The following ITSN1 variants were observed in gnomAD, a reference collection of about 807,000 sequenced individuals.
The protein encoded by ITSN1 is intersectin 1, also known as intersectin-1.
In ITSN1, 58 loss-of-function variants were observed where a neutral mutation model predicts 239.8. That is an observed-to-expected ratio of 0.24 (90% CI 0.20 to 0.30). The LOEUF (loss-of-function observed/expected upper bound fraction) is 0.30. ITSN1 is among the 10% of genes least tolerant of loss of function. The probability of loss-of-function intolerance (pLI) is 1.00; values close to 1 mark genes in which losing one functional copy is unlikely to be tolerated. For missense variants in ITSN1, 1,558 were observed against 2,103.3 expected (o/e 0.74, Z 5.07); for synonymous variants, 780 against 770.8 (o/e 1.01, Z -0.20).
At chr21:33,673,406 G>T (rs1283819538) in intron 1 of ITSN1, among the ~76,000 whole-genome samples, 1 of 152,234 alleles carries the variant, frequency 6.6e-6, no homozygotes, top group Non-Finnish European at 1.5e-5. Flanking sequence ...ACGTAGCTAT[G>T]TGAGGAGATG....
chr21:33,699,831 C>T (rs2091934057), intron 1 of ITSN1, among the ~76,000 whole-genome samples: 1 of 152,218 alleles, frequency 6.6e-6, no homozygotes, highest in African/African-American at 2.4e-5. Context: ...GCCATCATAG[C>T]TCACTACAAC....
At chr21:33,836,380 G>A (rs781287426) in intron 28 of ITSN1, 61 bp from the exon 29 acceptor site, 106 of 1,257,358 alleles carry the variant, frequency 8.4e-5, no homozygotes, top group African/African-American at 2.6e-4. Context: ...ATGGCTGCGC[G>A]GTACCCGTTG....
chr21:33,870,349 A>G (rs1411630822), intron 33 of ITSN1, among the ~76,000 whole-genome samples: 1 of 152,220 alleles, frequency 6.6e-6, no homozygotes, highest in Admixed American at 6.6e-5. Flanking sequence ...AAACTAAAAC[A>G]AGAAAAGGAC....
intron 1 of ITSN1, among the ~76,000 whole-genome samples, chr21:33,693,431 A>C (rs1046423104): frequency 6.7e-6 from 1 of 150,246 alleles, no homozygotes; most frequent in African/African-American, 2.5e-5. Context: ...ATCTCGGCTC[A>C]CTGCAACCTC....
intron 20 of ITSN1, among the ~76,000 whole-genome samples, chr21:33,809,252 T>C (rs986839268): frequency 6.6e-6 from 1 of 152,238 alleles, no homozygotes. Context: ...GGAAGTGTTA[T>C]TGCATTTTAT....
chr21:33,757,937 T>C (rs1357563075), intron 8 of ITSN1, among the ~76,000 whole-genome samples: 1 of 152,018 alleles, frequency 6.6e-6, no homozygotes, highest in Non-Finnish European at 1.5e-5. Context: ...AGTGCTGTGG[T>C]GCGATAGTAG....
intron 4 of ITSN1, among the ~76,000 whole-genome samples, chr21:33,734,413 A>G (rs2066371256): frequency 1.3e-5 from 2 of 152,214 alleles, no homozygotes; most frequent in Non-Finnish European, 2.9e-5. Context: ...GCTAACTTAC[A>G]AAATTGTTGA....
intron 27 of ITSN1, among the ~76,000 whole-genome samples, chr21:33,832,772 C>T (rs1281407383): frequency 6.6e-6 from 1 of 152,152 alleles, no homozygotes; most frequent in African/African-American, 2.4e-5. Context: ...GAAAGGGAAA[C>T]CTGCTCTGTG....
chr21:33,720,005 G>T (rs899598836), intron 2 of ITSN1, among the ~76,000 whole-genome samples: 1 of 152,236 alleles, frequency 6.6e-6, no homozygotes, highest in African/African-American at 2.4e-5. Flanking sequence ...CTGGTACAGA[G>T]ATCTGTAAAC....
intron 11 of ITSN1, among the ~76,000 whole-genome samples, chr21:33,770,754 G>T (rs2069098451): frequency 6.6e-6 from 1 of 150,608 alleles, no homozygotes. Context: ...CTGTGGGAGG[G>T]GGACTTTGAA....
At chr21:33,651,452 G>A (rs1232125941) in intron 1 of ITSN1, among the ~76,000 whole-genome samples, 3 of 152,174 alleles carry the variant, frequency 2.0e-5, no homozygotes, top group Non-Finnish European at 4.4e-5. Context: ...GGATAATGTG[G>A]TGTACTTTGT....
chr21:33,668,031 C>G (rs1018290554), intron 1 of ITSN1, among the ~76,000 whole-genome samples: 1 of 152,098 alleles, frequency 6.6e-6, no homozygotes, highest in South Asian at 2.1e-4. Flanking sequence ...TGGTCCAGTT[C>G]GAAAGTTGGA....
intron 29 of ITSN1, among the ~76,000 whole-genome samples, chr21:33,840,525 CTG>C (rs2074786480): frequency 6.6e-6 from 1 of 152,038 alleles, no homozygotes; most frequent in Non-Finnish European, 1.5e-5. Context: ...GTGGGTCTGG[CTG>C]CATTTTGTAT....
chr21:33,876,888 T>C (rs572921401), intron 34 of ITSN1, among the ~76,000 whole-genome samples: 1 of 148,288 alleles, frequency 6.7e-6, no homozygotes, highest in Non-Finnish European at 1.5e-5. Flanking sequence ...CAAACAGATA[T>C]AGATATAGAT....
intron 29 of ITSN1, among the ~76,000 whole-genome samples, chr21:33,855,806 A>G (rs1979212883): frequency 6.6e-6 from 1 of 152,220 alleles, no homozygotes; most frequent in Non-Finnish European, 1.5e-5. Context: ...CTCTGTGGCA[A>G]GCATGCTGCT....
chr21:33,794,329 G>T lies in ITSN1; in HGVS notation c.1825-12G>T. On this transcript the variant is annotated splice_polypyrimidine_tract_variant and intron_variant, in intron 16 of 39. Coordinates refer to ENST00000381318, the MANE Select transcript of ITSN1 (RefSeq NM_003024.3). Reference sequence around the variant, plus strand: ...CATGTCGCTACATGAACTGTTTCTCGGTTAATTATAGGAACTAAGAGAAAT... The same window carrying T: ...CATGTCGCTACATGAACTGTTTCTCTGTTAATTATAGGAACTAAGAGAAAT... 4 of 1,599,594 alleles carry T rather than the reference G, an allele frequency of 2.5e-6. No homozygotes were observed.
At chr21:33,679,291 G>A (rs1214015249) in intron 1 of ITSN1, among the ~76,000 whole-genome samples, 1 of 152,028 alleles carries the variant, frequency 6.6e-6, no homozygotes, top group Non-Finnish European at 1.5e-5. Flanking sequence ...CATTGTAAAC[G>A]TTCTAGTTGA....
chr21:33,720,770 A>G (rs2065436310), intron 2 of ITSN1, among the ~76,000 whole-genome samples: 1 of 152,204 alleles, frequency 6.6e-6, no homozygotes. Context: ...GATATTTATC[A>G]CACTCACCTT....
At chr21:33,785,595 TAAGCAAAGATAG>T (rs1377358961) in intron 16 of ITSN1, among the ~76,000 whole-genome samples, 2 of 152,186 alleles carry the variant, frequency 1.3e-5, no homozygotes, top group African/African-American at 4.8e-5. Context: ...CAAAATCTGA[TAAGCAAAGATAG>T]AAATTCTCAA....
Sources: allele counts gnomAD v4.1 joint callset (sites outside exome capture counted in the v4.1 genomes callset), GRCh38; gene constraint gnomAD v4.1.1; transcripts MANE v1.5; gene names NCBI Gene and HGNC (gene_info 2026-07-23, HGNC 2026-07-21).